LATS2: variants seen among roughly 807,000 people sequenced by gnomAD.
LATS2 encodes large tumor suppressor kinase 2.
Under a neutral mutation model 76.0 loss-of-function variants are expected in LATS2, and 24 were observed. That is an observed-to-expected ratio of 0.32 (90% CI 0.23 to 0.44). LATS2 has a LOEUF of 0.44. Among genes scored for constraint, LATS2 ranks in the 20% least tolerant of loss-of-function variants. The pLI is 1.00. For synonymous variants in LATS2, 692 were observed against 635.4 expected (o/e 1.09, Z -1.34); for missense variants, 1,286 against 1,481.2 (o/e 0.87, Z 2.16).
chr13:20,981,749 T>C (rs1294217922), intron 5 of LATS2, 101 bp from the exon 6 acceptor site: 1 of 947,482 alleles, frequency 1.1e-6, no homozygotes, highest in Non-Finnish European at 1.5e-6. Context: ...AACAGCAAAG[T>C]CATTCCAATC....
chr13:21,001,223 G>T (rs1027392142), intron 2 of LATS2, among the ~76,000 whole-genome samples: 4 of 152,216 alleles, frequency 2.6e-5, no homozygotes, highest in Non-Finnish European at 4.4e-5. Context: ...GTGAACAGAG[G>T]TAAGCACATT....
intron 2 of LATS2, among the ~76,000 whole-genome samples, chr13:21,016,262 C>T (rs1020865234): frequency 6.6e-6 from 1 of 151,948 alleles, no homozygotes; most frequent in African/African-American, 2.4e-5. Context: ...GCTGGGATTA[C>T]AGGCATGAGA....
At chr13:21,002,351 AAATTAACTAACTAATT>A (rs1015604831) in intron 2 of LATS2, among the ~76,000 whole-genome samples, 10 of 151,562 alleles carry the variant, frequency 6.6e-5, no homozygotes, top group African/African-American at 2.4e-4. Context: ...ATCTTTTAAA[AAATTAACTAACTAATT>A]AATTAACTTT....
chr13:20,986,406 G>A (rs1418471740), intron 4 of LATS2, among the ~76,000 whole-genome samples: 1 of 152,092 alleles, frequency 6.6e-6, no homozygotes. Context: ...AAGAAAATGT[G>A]GTCTGTGTAC....
At chr13:20,998,760 GC>G (rs1870885856) in intron 2 of LATS2, among the ~76,000 whole-genome samples, 1 of 152,202 alleles carries the variant, frequency 6.6e-6, no homozygotes, top group African/African-American at 2.4e-5. Flanking sequence ...GCGGGGCGGG[GC>G]CCGACAACCT....
intron 6 of LATS2, among the ~76,000 whole-genome samples, chr13:20,980,855 T>C (rs575477124): frequency 2.6e-4 from 39 of 152,270 alleles, no homozygotes; most frequent in African/African-American, 9.1e-4. Flanking sequence ...TACACCCCAT[T>C]GTCACTGTGG....
intron 2 of LATS2, among the ~76,000 whole-genome samples, chr13:21,002,054 C>T (rs1178706294): frequency 1.3e-5 from 2 of 151,830 alleles, no homozygotes; most frequent in Non-Finnish European, 2.9e-5. Context: ...GCTGGGACCA[C>T]AGGTGCCCAC....
At position 20,988,529 on chromosome 13, in the gene LATS2, A is replaced by T. The variant is rs773970142; in HGVS notation, c.1251T>A (p.Gly417=). The change falls in exon 4 of 8, where the codon GGT becomes GGA. Residue 417 remains glycine, a synonymous_variant. Coordinates refer to ENST00000382592, the MANE Select transcript of LATS2 (RefSeq NM_014572.3). ...NSFNSHQPRP[G]PPGKAEPSLP... ...GGGAGGGCTCGGCCTTGCCAGGCGG[A>T]CCGGGCCGCGGCTGGTGGCTGTTGA... 1 of 1,569,512 alleles carries T rather than the reference A, an allele frequency of 6.4e-7. No homozygotes were observed. The highest frequency in any genetic ancestry group is 1.1e-5 in the South Asian group (1 of 87,148).
intron 2 of LATS2, among the ~76,000 whole-genome samples, chr13:21,023,978 AAAAAC>A (rs1872194243): frequency 6.6e-6 from 1 of 151,690 alleles, no homozygotes; most frequent in African/African-American, 2.4e-5. Flanking sequence ...CCTCTCAAGA[AAAAAC>A]AAAACAAAAC....
At position 21,051,146 on chromosome 13, in the gene LATS2, G is replaced by C. The variant is rs116156940; in HGVS notation, c.-204-4916C>G. Among the ~76,000 whole-genome samples, 837 of 152,334 alleles carry C rather than the reference G, an allele frequency of 5.5e-3. 10 individuals are homozygous for C. The highest frequency in any genetic ancestry group is 0.019 in the African/African-American group (795 of 41,570). On this transcript the variant is annotated intron_variant, in intron 1 of 7. Transcript: ENST00000382592. ...TCTGTGAGTGGCTAAAAGTCTCCAA[G>C]CAGACTGCACATGCCCTCATATAAA...
chr13:21,019,337 ATTAT>A (rs1871943946), intron 2 of LATS2, among the ~76,000 whole-genome samples: 1 of 106,636 alleles, frequency 9.4e-6, no homozygotes, highest in African/African-American at 3.1e-5. Context: ...TATTATTATT[ATTAT>A]TTGAGACAGA....
In LATS2 at chr13:21,043,839, G is replaced by A. The variant is rs148810933; in HGVS notation, c.342+1846C>T. ...TTTTTCTCACAGCTGAAACACAACC[G>A]CAAAGAACACAGGGGCTTGGTTTGC... On this transcript the variant is annotated intron_variant, in intron 2 of 7. Coordinates refer to ENST00000382592, the MANE Select transcript of LATS2 (RefSeq NM_014572.3). 1.3e-3 allele frequency among the ~76,000 whole-genome samples: 195 copies of A among 152,260 alleles called. 2 individuals are homozygous for A. Among genetic ancestry groups the A allele is most frequent in the Middle Eastern group, 6.8e-3 (2 of 294 alleles).
chr13:21,049,938 C>G (rs562725712), intron 1 of LATS2, among the ~76,000 whole-genome samples: 9 of 152,078 alleles, frequency 5.9e-5, no homozygotes, highest in Admixed American at 5.9e-4. Flanking sequence ...CTGGCCAACA[C>G]AGTGAAACGC....
chr13:20,997,335 C>A (rs1323857623), intron 2 of LATS2, among the ~76,000 whole-genome samples: 1 of 152,210 alleles, frequency 6.6e-6, no homozygotes, highest in Non-Finnish European at 1.5e-5. Flanking sequence ...TAAAACTGGA[C>A]CTAACCACTA....
intron 2 of LATS2, among the ~76,000 whole-genome samples, chr13:21,031,563 T>G (rs1407847118): frequency 6.6e-6 from 1 of 152,206 alleles, no homozygotes; most frequent in Non-Finnish European, 1.5e-5. Context: ...AAAGATTTCC[T>G]GTCTGGGGCT....
chr13:20,992,909 C>T (rs1298173422), intron 2 of LATS2, among the ~76,000 whole-genome samples: 1 of 151,988 alleles, frequency 6.6e-6, no homozygotes, highest in Non-Finnish European at 1.5e-5. Context: ...GTGGTGTGTG[C>T]CTGTAGTTCC....
intron 2 of LATS2, among the ~76,000 whole-genome samples, chr13:21,012,986 T>C (rs1871658039): frequency 6.6e-6 from 1 of 152,200 alleles, no homozygotes; most frequent in African/African-American, 2.4e-5. Flanking sequence ...TGAGACCTTT[T>C]CCAACTCAGT....
At chr13:21,007,695 A>AC (rs1209463164) in intron 2 of LATS2, among the ~76,000 whole-genome samples, 45 of 978 alleles carry the variant, frequency 0.046, 13 homozygotes, top group African/African-American at 0.067. Flanking sequence ...ATATATATAT[A>AC]TATAGTATGT....
intron 1 of LATS2, among the ~76,000 whole-genome samples, chr13:21,051,860 G>A (rs572560673): frequency 6.7e-6 from 1 of 150,062 alleles, no homozygotes; most frequent in Non-Finnish European, 1.5e-5. Flanking sequence ...CGGAGGCTGA[G>A]GTGGGAGAAT....
Sources: allele counts gnomAD v4.1 joint callset (sites outside exome capture counted in the v4.1 genomes callset), GRCh38; gene constraint gnomAD v4.1.1; transcripts MANE v1.5; gene names NCBI Gene and HGNC (gene_info 2026-07-23, HGNC 2026-07-21).